The following TEX9 variants were observed in gnomAD, a reference collection of about 807,000 sequenced individuals.
TEX9 encodes the protein testis expressed 9.
A neutral mutation model predicts 59.6 loss-of-function variants in TEX9; 74 were observed. The observed-to-expected ratio is 1.24, with a 90% CI of 1.03 to 1.51. TEX9 has a LOEUF of 1.51. Among genes scored for constraint, TEX9 ranks in the 40% most tolerant of loss-of-function variants. TEX9 has a pLI of 0.00. For synonymous variants in TEX9, 186 were observed against 152.2 expected, an observed-to-expected ratio of 1.22 and a Z score of -1.64; for missense variants, 522 against 447.8, an observed-to-expected ratio of 1.17 and a Z score of -1.49.
chr15:56,366,459 C>T (rs2046949578), intron 2 of TEX9, among the ~76,000 whole-genome samples: 3 of 152,214 alleles, frequency 2.0e-5, no homozygotes, highest in African/African-American at 7.2e-5. Context: ...ACGCCTTCAA[C>T]CTGTAATGTG....
At chr15:56,331,878 A>C (rs907828340) in intron 1 of TEX9, among the ~76,000 whole-genome samples, 1 of 145,394 alleles carries the variant, frequency 6.9e-6, no homozygotes, top group Non-Finnish European at 1.5e-5. Flanking sequence ...AATGCTCATC[A>C]TCACTGGCCA....
At chr15:56,412,192 G>A in intron 9 of TEX9, 110 bp from the exon 10 acceptor site, 3 of 1,000,886 alleles carry the variant, frequency 3.0e-6, no homozygotes, top group Non-Finnish European at 4.3e-6. Context: ...GTGTGTGTGT[G>A]TAAAGTTTGA....
chr15:56,278,848 C>A (rs1164934899), intron 1 of TEX9, among the ~76,000 whole-genome samples: 1 of 151,664 alleles, frequency 6.6e-6, no homozygotes, highest in African/African-American at 2.4e-5. Context: ...CTATCTGCAT[C>A]AAGTTCAGTC....
chr15:56,390,393 C>T (rs952492671), intron 6 of TEX9, among the ~76,000 whole-genome samples: 2 of 151,390 alleles, frequency 1.3e-5, no homozygotes, highest in Non-Finnish European at 3.0e-5. Flanking sequence ...GGATGGATAC[C>T]CCCTTCTCCA....
chr15:56,308,933 C>A (rs1269806044), intron 1 of TEX9, among the ~76,000 whole-genome samples: 3 of 152,158 alleles, frequency 2.0e-5, no homozygotes, highest in African/African-American at 7.2e-5. Context: ...GCCAGTACTG[C>A]ACTATCATTA....
At chr15:56,394,205 G>T in exon 8 of TEX9, 1 of 1,609,096 alleles carries the variant, frequency 6.2e-7, no homozygotes, top group Non-Finnish European at 8.5e-7. Flanking sequence ...TCCATGTTAT[G>T]CAGGAGGAAT....
chr15:56,371,734 C>T (rs2682035), intron 2 of TEX9, among the ~76,000 whole-genome samples: 4,773 of 152,174 alleles, frequency 0.031, 185 homozygotes, highest in East Asian at 0.094. Context: ...TCCACGTCAG[C>T]TTTCTTCTAT....
At chr15:56,390,902 G>A (rs1416253880) in intron 6 of TEX9, among the ~76,000 whole-genome samples, 3 of 151,894 alleles carry the variant, frequency 2.0e-5, no homozygotes. Flanking sequence ...CTTAGTTTTG[G>A]TATTGCCTTA....
At chr15:56,372,320 C>G (rs1419200440) in intron 2 of TEX9, among the ~76,000 whole-genome samples, 1 of 150,978 alleles carries the variant, frequency 6.6e-6, no homozygotes, top group African/African-American at 2.4e-5. Context: ...ATCTCCCCCC[C>G]TTTTTTTTTC....
chr15:56,248,560 T>C (rs1434112526), intron 1 of TEX9, among the ~76,000 whole-genome samples: 2 of 152,240 alleles, frequency 1.3e-5, no homozygotes, highest in African/African-American at 4.8e-5. Flanking sequence ...AAATGCTAGA[T>C]CCCGCTTTGA....
chr15:56,362,980 T>A (rs998335605), upstream of TEX9, among the ~76,000 whole-genome samples: 1 of 152,260 alleles, frequency 6.6e-6, no homozygotes, highest in Admixed American at 6.5e-5. Flanking sequence ...CCACTTTTTA[T>A]TTAATTACTA....
chr15:56,346,459 T>C (rs2141854493), intron 1 of TEX9, among the ~76,000 whole-genome samples: 1 of 152,186 alleles, frequency 6.6e-6, no homozygotes, highest in East Asian at 1.9e-4. Context: ...TTTAAATGAG[T>C]CTAACCTCTG....
At chr15:56,404,415 A>C (rs975182302) in intron 9 of TEX9, among the ~76,000 whole-genome samples, 8 of 152,262 alleles carry the variant, frequency 5.3e-5, no homozygotes, top group African/African-American at 1.9e-4. Context: ...AGAGGAATGC[A>C]AATCAAAACC....
chr15:56,275,285 G>T (rs2044642329), intron 1 of TEX9, among the ~76,000 whole-genome samples: 1 of 152,158 alleles, frequency 6.6e-6, no homozygotes, highest in Non-Finnish European at 1.5e-5. Flanking sequence ...ACCCCAGCTG[G>T]TTAGGTCTTT....
chr15:56,339,190 C>A (rs1406477046), intron 1 of TEX9, among the ~76,000 whole-genome samples: 1 of 151,064 alleles, frequency 6.6e-6, no homozygotes, highest in Non-Finnish European at 1.5e-5. Context: ...CCAGACTAGC[C>A]TGGCCAACAT....
intron 1 of TEX9, among the ~76,000 whole-genome samples, chr15:56,335,994 C>G (rs2046249196): frequency 6.6e-6 from 1 of 152,136 alleles, no homozygotes; most frequent in East Asian, 1.9e-4. Flanking sequence ...ACTTAGGATG[C>G]ATTTATTTAC....
chr15:56,285,389 A>G (rs2044929266), intron 1 of TEX9, among the ~76,000 whole-genome samples: 1 of 152,202 alleles, frequency 6.6e-6, no homozygotes, highest in African/African-American at 2.4e-5. Context: ...ACTTAATCAC[A>G]TCTGAGTACA....
At chr15:56,396,335 CT>C (rs2048466951) in intron 9 of TEX9, 1 of 152,040 alleles carries the variant, frequency 6.6e-6, no homozygotes, top group African/African-American at 2.4e-5. Flanking sequence ...TAAATTCACA[CT>C]TTTTAGTGTA....
chr15:56,276,535 T>C (rs751577840), intron 1 of TEX9, among the ~76,000 whole-genome samples: 1 of 152,184 alleles, frequency 6.6e-6, no homozygotes, highest in Non-Finnish European at 1.5e-5. Context: ...TGAATAGTAT[T>C]CCATGGTGAA....
Sources: gnomAD v4.1 joint callset for allele counts (sites outside exome capture counted in the v4.1 genomes callset) on GRCh38, gnomAD v4.1.1 for gene constraint, MANE v1.5 for transcripts, NCBI Gene and HGNC (gene_info 2026-07-23, HGNC 2026-07-21) for gene names.